Variants in STK4 observed in about 807,000 individuals in gnomAD.
The protein encoded by STK4 is serine/threonine kinase 4.
In STK4, 30 loss-of-function variants were observed where a neutral mutation model predicts 64.9. The ratio of observed to expected loss-of-function variants is 0.46; its 90% CI spans 0.35 to 0.63. The LOEUF is 0.63. STK4 is among the 20% of genes least tolerant of loss of function. The probability of loss-of-function intolerance (pLI) is 0.01; values close to 1 mark genes in which losing one functional copy is unlikely to be tolerated. For missense variants in STK4, 466 were observed against 598.5 expected, an observed-to-expected ratio of 0.78 and a Z score of 2.31; for synonymous variants, 177 against 199.0, an observed-to-expected ratio of 0.89 and a Z score of 0.93.
chr20:45,037,573 G>A (rs1220234849), intron 10 of STK4, among the ~76,000 whole-genome samples: 1 of 152,082 alleles, frequency 6.6e-6, no homozygotes, highest in Non-Finnish European at 1.5e-5. Flanking sequence ...AAAATTGATT[G>A]TTTGAATTCC....
intron 10 of STK4, chr20:45,053,192 T>C (rs532761342): frequency 6.2e-7 from 1 of 1,605,728 alleles, no homozygotes; most frequent in Non-Finnish European, 8.5e-7. Context: ...TAAATGAATG[T>C]CATCTTTGTC....
At chr20:45,069,295 T>C (rs1305005675) in intron 10 of STK4, among the ~76,000 whole-genome samples, 3 of 152,224 alleles carry the variant, frequency 2.0e-5, no homozygotes, top group Non-Finnish European at 4.4e-5. Flanking sequence ...GAAATCCTTA[T>C]ACTTGGTCTG....
intron 10 of STK4, among the ~76,000 whole-genome samples, chr20:45,073,179 C>G (rs1306890815): frequency 6.6e-6 from 1 of 152,132 alleles, no homozygotes; most frequent in Non-Finnish European, 1.5e-5. Flanking sequence ...AAAGACTAGG[C>G]AAGCATTGCT....
At position 45,001,307 on chromosome 20, in the gene STK4, C is replaced by G. The variant is rs112013913; in HGVS notation, c.1101C>G (p.Thr367=). The change falls in exon 9 of 11, where the codon ACC becomes ACG. Residue 367 remains threonine, a synonymous_variant. Transcript: ENST00000372806. Reference sequence around the variant, plus strand: ...ACACGTTGCCATCACAACTGGGCACCATGGTGATCAATGCAGAGGATGAGG... The same window carrying G: ...ACACGTTGCCATCACAACTGGGCACGATGGTGATCAATGCAGAGGATGAGG... The part of the protein sequence containing the change: ...HDDTLPSQLG[T]MVINAEDEEE... 9.3e-6 allele frequency: 15 copies of G among 1,614,050 alleles called. No individual in the cohort carries two copies. The East Asian group carries it at 3.1e-4, about 34-fold the overall frequency.
intron 10 of STK4, among the ~76,000 whole-genome samples, chr20:45,054,428 G>A (rs1445956230): frequency 1.3e-5 from 2 of 152,224 alleles, no homozygotes; most frequent in African/African-American, 2.4e-5. Flanking sequence ...GCCAGGCATG[G>A]TGGTGCCCAC....
At chr20:45,011,729 A>ATATATATATATTTTTTTTT (rs60170856) in intron 9 of STK4, among the ~76,000 whole-genome samples, 1 of 115,400 alleles carries the variant, frequency 8.7e-6, no homozygotes, top group African/African-American at 3.6e-5. Flanking sequence ...ATATATATAT[A>ATATATATATATTTTTTTTT]TTTTTTTTTT....
intron 3 of STK4, among the ~76,000 whole-genome samples, chr20:44,980,639 A>T (rs2067420602): frequency 6.6e-6 from 1 of 152,210 alleles, no homozygotes; most frequent in Admixed American, 6.5e-5. Context: ...AAAGAAAAGA[A>T]AATCACTTTT....
At chr20:44,974,372 T>G (rs1241646582) in intron 2 of STK4, 1 of 152,256 alleles carries the variant, frequency 6.6e-6, no homozygotes, top group Non-Finnish European at 1.5e-5. Context: ...TTTCTTGGAT[T>G]TCTGTTATTC....
At chr20:45,006,121 A>G (rs1331228557) in intron 9 of STK4, among the ~76,000 whole-genome samples, 2 of 149,148 alleles carry the variant, frequency 1.3e-5, no homozygotes, top group African/African-American at 4.9e-5. Context: ...CTGGCTCTGT[A>G]CTTTTCAATC....
chr20:44,988,533 G>A (rs11699524), intron 5 of STK4, among the ~76,000 whole-genome samples: 4 of 101,582 alleles, frequency 3.9e-5, no homozygotes, highest in East Asian at 3.4e-4. Context: ...ATGTGTGTGT[G>A]TATATATATA....
At chr20:45,053,075 T>C (rs1183255533) in intron 10 of STK4, 1 of 1,606,066 alleles carries the variant, frequency 6.2e-7, no homozygotes, top group East Asian at 2.2e-5. Flanking sequence ...TTTTGTGCTC[T>C]TTTCTTTCAG....
At chr20:45,042,153 T>C (rs1288655075) in intron 10 of STK4, among the ~76,000 whole-genome samples, 1 of 152,230 alleles carries the variant, frequency 6.6e-6, no homozygotes, top group African/African-American at 2.4e-5. Flanking sequence ...ATTTTTCTTA[T>C]TCCTGGATCT....
At chr20:45,063,710 G>A (rs1458394031) in intron 10 of STK4, among the ~76,000 whole-genome samples, 1 of 151,942 alleles carries the variant, frequency 6.6e-6, no homozygotes, top group Admixed American at 6.6e-5. Flanking sequence ...ATCTTCCATG[G>A]TTTTTATAGT....
intron 10 of STK4, among the ~76,000 whole-genome samples, chr20:45,074,626 G>A (rs1054424908): frequency 3.3e-5 from 5 of 152,160 alleles, no homozygotes; most frequent in African/African-American, 9.7e-5. Flanking sequence ...CGCTTATCTC[G>A]TAGACAGAAC....
chr20:45,058,569 G>C (rs537944134), intron 10 of STK4, among the ~76,000 whole-genome samples: 1 of 152,102 alleles, frequency 6.6e-6, no homozygotes, highest in Non-Finnish European at 1.5e-5. Flanking sequence ...TTGCATTTTA[G>C]CTTTCAAATT....
Position 44,981,926 on chromosome 20 carries a change from C to T in STK4, c.343C>T (p.Arg115Ter), listed in dbSNP as rs751997042. 11 of 1,612,406 alleles carry T rather than the reference C, an allele frequency of 6.8e-6. No homozygotes were observed. The highest frequency in any genetic ancestry group is 3.3e-5 in the Admixed American group (2 of 59,952). The part of the protein sequence containing the change: ...CGAGSVSDII[R>*]LRNKTLTEDE... ...GGCTGGTTCTGTATCTGATATCATT[C>T]GATTACGAAATAAAACGGTAGGTTT... Residue 115 changes from arginine to a stop codon, truncating the protein, a stop_gained, in exon 4 of 11, where the codon CGA becomes TGA. Coordinates refer to ENST00000372806, the MANE Select transcript of STK4 (RefSeq NM_006282.5). LOFTEE classifies it high-confidence loss of function.
chr20:45,071,940 T>A lies in STK4; in HGVS notation c.1306-3078T>A, dbSNP rs571325049. Among the ~76,000 whole-genome samples the A allele has an allele frequency of 6.4e-4, 97 of 152,000 alleles. 1 individual carries two copies. The South Asian group carries it at 0.019, about 30-fold the overall frequency. ...ACCACCACACCTGGCTAATTTTTTTTCCCCCGTAGAGATGGGATTTCACTA... is the reference window on the plus strand; with the variant it reads ...ACCACCACACCTGGCTAATTTTTTTACCCCCGTAGAGATGGGATTTCACTA... On this transcript the variant is annotated intron_variant, in intron 10 of 10. Transcript: ENST00000372806.
intron 2 of STK4, among the ~76,000 whole-genome samples, chr20:44,976,402 C>G (rs1005973347): frequency 6.6e-6 from 1 of 152,122 alleles, no homozygotes; most frequent in African/African-American, 2.4e-5. Context: ...AAGACACGAG[C>G]CCTCAGATTG....
In STK4 at chr20:45,075,214, C is replaced by T; in HGVS notation, c.*38C>T. ...TGTGAGGGCCCCAGCTCCACCCAGG[C>T]TTTGGGTGAATTCTGGATGGCTTGC... On this transcript the variant is annotated 3_prime_UTR_variant, in exon 11 of 11. Transcript: ENST00000372806. 6.2e-7 allele frequency: 1 copy of T among 1,605,430 alleles called. No homozygotes were observed. The highest frequency in any genetic ancestry group is 8.5e-7 in the Non-Finnish European group (1 of 1,177,412).
Sources: gnomAD v4.1 joint callset for allele counts (sites outside exome capture counted in the v4.1 genomes callset) on GRCh38, gnomAD v4.1.1 for gene constraint, MANE v1.5 for transcripts, NCBI Gene and HGNC (gene_info 2026-07-23, HGNC 2026-07-21) for gene names.